FNBP1: variants seen among roughly 807,000 people sequenced by gnomAD.
FNBP1 encodes the protein formin binding protein 1.
Under a neutral mutation model 90.6 loss-of-function variants are expected in FNBP1, and 26 were observed. The ratio of observed to expected loss-of-function variants is 0.29; its 90% CI spans 0.21 to 0.40. FNBP1 has a LOEUF of 0.40. Among genes scored for constraint, FNBP1 ranks in the 10% least tolerant of loss-of-function variants. The pLI is 1.00. For synonymous variants in FNBP1, 260 were observed against 265.2 expected (o/e 0.98, Z 0.19); for missense variants, 635 against 768.0 (o/e 0.83, Z 2.05).
intron 4 of FNBP1, among the ~76,000 whole-genome samples, chr9:129,978,027 T>C (rs1226624922): frequency 6.6e-6 from 1 of 151,866 alleles, no homozygotes; most frequent in African/African-American, 2.4e-5. Flanking sequence ...TTTTCTTTTT[T>C]TTTTTCTTTT....
chr9:130,053,030 C>T, the FNBP1 span, among the ~76,000 whole-genome samples: 1 of 152,016 alleles, frequency 6.6e-6, no homozygotes, highest in Admixed American at 6.5e-5. Flanking sequence ...GCAGGAGAAT[C>T]GCTTGAACCC....
At chr9:129,953,047 A>G (rs558051713) in intron 6 of FNBP1, among the ~76,000 whole-genome samples, 2 of 152,344 alleles carry the variant, frequency 1.3e-5, no homozygotes, top group African/African-American at 4.8e-5. Flanking sequence ...AGTTTGGCCT[A>G]ATAAAAATAC....
At position 129,888,541 on chromosome 9, in the gene FNBP1, C is replaced by A. The variant is rs77261285; in HGVS notation, c.*1998G>T. The A allele has an allele frequency of 1.3e-5, 3 of 232,884 alleles. No homozygotes were observed. Among genetic ancestry groups the A allele is most frequent in the Non-Finnish European group, 2.5e-5 (3 of 117,860 alleles). The allele number at this position is 232,884 out of a possible 1,614,324, so 14.4% of individuals were successfully genotyped here. A position where few individuals can be genotyped will look rare whatever the true frequency, so the allele number is the denominator to read the frequency against. On this transcript the variant is annotated 3_prime_UTR_variant, in exon 17 of 17. Coordinates refer to ENST00000446176, the MANE Select transcript of FNBP1 (RefSeq NM_015033.3). ...TCCTGCGTGACTGATGGGTGCACCA[C>A]GCTTAGGTCACCCGTTGCAGGGACC...
intron 4 of FNBP1, among the ~76,000 whole-genome samples, chr9:129,970,752 T>A (rs1351526387): frequency 6.6e-6 from 1 of 152,196 alleles, no homozygotes; most frequent in Non-Finnish European, 1.5e-5. Flanking sequence ...AGGACCTCCT[T>A]GTCCAGGGCT....
rs373260854 is a variant in FNBP1 at position 129,981,485 on chromosome 9, T to G, written c.141-2111A>C. Among the ~76,000 whole-genome samples, 50 of 152,314 alleles carry G rather than the reference T, an allele frequency of 3.3e-4. No individual in the cohort carries two copies. The East Asian group carries it at 9.3e-3, about 28-fold the overall frequency. On this transcript the variant is annotated intron_variant, in intron 2 of 16. Coordinates refer to ENST00000446176, the MANE Select transcript of FNBP1 (RefSeq NM_015033.3). ...TGCTATTCCTCTTTATTATTTCACA[T>G]GTTACTTTTATTTCTTCTACTTCCC...
Position 129,889,861 on chromosome 9 carries a change from T to C in FNBP1, c.*678A>G, listed in dbSNP as rs1204140714. The C allele has an allele frequency of 8.6e-6, 2 of 233,170 alleles. No individual in the cohort carries two copies. The highest frequency in any genetic ancestry group is 2.2e-5 in the African/African-American group (1 of 45,312). 14.4% of individuals were successfully genotyped at this position (233,170 alleles called of 1,614,324 possible). ...GAAAACAGGGCGTCAAACCAAAATG[T>C]GTGTATGCGCACGCGTGTGTACTGG... On this transcript the variant is annotated 3_prime_UTR_variant, in exon 17 of 17. Transcript: ENST00000446176.
intron 1 of FNBP1, among the ~76,000 whole-genome samples, chr9:130,012,150 T>A (rs531088699): frequency 6.6e-6 from 1 of 152,336 alleles, no homozygotes; most frequent in Non-Finnish European, 1.5e-5. Context: ...ATGCAGAGCC[T>A]AATGGCTAAG....
intron 12 of FNBP1, among the ~76,000 whole-genome samples, chr9:129,907,030 C>T (rs7872383): frequency 6.6e-6 from 1 of 151,760 alleles, no homozygotes; most frequent in Non-Finnish European, 1.5e-5. Context: ...CGCCCGCCTC[C>T]GCCTCCCAAA....
At chr9:129,904,353 G>C (rs942257207) in intron 12 of FNBP1, among the ~76,000 whole-genome samples, 2 of 152,142 alleles carry the variant, frequency 1.3e-5, no homozygotes, top group African/African-American at 2.4e-5. Context: ...GAAGTTTGGG[G>C]CATGTTTGGG....
At position 130,041,975 on chromosome 9, in the gene FNBP1, G is replaced by A. The variant is rs1206769120; in HGVS notation, c.24+977C>T. 6.6e-6 allele frequency among the ~76,000 whole-genome samples: 1 copy of A among 152,070 alleles called. No homozygotes were observed. Among genetic ancestry groups the A allele is most frequent in the African/African-American group, 2.4e-5 (1 of 41,398 alleles). Reference sequence around the variant, plus strand: ...TCCTGGGAAATGGCTCATCTTGAGGGCATTTCAGTGCAGTAACTGAGATTT... The same window carrying A: ...TCCTGGGAAATGGCTCATCTTGAGGACATTTCAGTGCAGTAACTGAGATTT... On this transcript the variant is annotated intron_variant, in intron 1 of 16. Coordinates refer to ENST00000446176, the MANE Select transcript of FNBP1 (RefSeq NM_015033.3). This position sits in a 1 kb window ranked among gnomAD's most constrained non-coding sequence, Gnocchi z 4.3.
rs114196026 is a variant in FNBP1 at position 129,979,595 on chromosome 9, A to G, written c.141-221T>C. Among the ~76,000 whole-genome samples, 213 of 152,350 alleles carry G rather than the reference A, an allele frequency of 1.4e-3. 1 individual carries two copies. Among genetic ancestry groups the G allele is most frequent in the African/African-American group, 4.9e-3 (203 of 41,594 alleles). ...TTGTCTCAAAGCAGAGCAAATAAGAACAGAATTATTTAATTGGAGAGGACA... is the reference window on the plus strand; with the variant it reads ...TTGTCTCAAAGCAGAGCAAATAAGAGCAGAATTATTTAATTGGAGAGGACA... On this transcript the variant is annotated intron_variant, in intron 2 of 16. Transcript: ENST00000446176.
intron 4 of FNBP1, among the ~76,000 whole-genome samples, chr9:129,967,695 C>A (rs559271701): frequency 6.6e-6 from 1 of 152,010 alleles, no homozygotes; most frequent in Non-Finnish European, 1.5e-5. Context: ...ATGTGAGATA[C>A]GAAATGTGAG....
At chr9:129,919,389 A>T in intron 10 of FNBP1, 1 of 352,616 alleles carries the variant, frequency 2.8e-6, no homozygotes, top group Non-Finnish European at 5.5e-6. Context: ...AAAATATGAA[A>T]AACGTACATC....
intron 10 of FNBP1, among the ~76,000 whole-genome samples, chr9:129,923,036 A>T (rs964769094): frequency 1.3e-5 from 2 of 151,352 alleles, no homozygotes; most frequent in Non-Finnish European, 1.5e-5. Context: ...ATTTTTATAT[A>T]TTTTTTTAAG....
chr9:130,013,221 C>G (rs576117188), intron 1 of FNBP1, among the ~76,000 whole-genome samples: 138 of 152,130 alleles, frequency 9.1e-4, no homozygotes, highest in African/African-American at 3.3e-3. Flanking sequence ...CTCAAGCAAT[C>G]CCCCTGCCTC....
At chr9:130,038,228 G>A (rs1310915023) in intron 1 of FNBP1, among the ~76,000 whole-genome samples, 3 of 151,454 alleles carry the variant, frequency 2.0e-5, no homozygotes, top group Admixed American at 6.6e-5. Flanking sequence ...GGTGGCGGGC[G>A]CCTGTAGTCC....
At chr9:129,954,784 G>C (rs1180767210) in intron 6 of FNBP1, among the ~76,000 whole-genome samples, 2 of 152,114 alleles carry the variant, frequency 1.3e-5, no homozygotes, top group African/African-American at 4.8e-5. Context: ...ATCACCTGAG[G>C]TCAGGAGTTT....
chr9:129,929,133 G>A (rs971473711), intron 7 of FNBP1, among the ~76,000 whole-genome samples: 1 of 151,538 alleles, frequency 6.6e-6, no homozygotes, highest in Non-Finnish European at 1.5e-5. Flanking sequence ...AAAAGGGCCA[G>A]GCATGGTGGC....
intron 2 of FNBP1, among the ~76,000 whole-genome samples, chr9:129,980,395 T>C (rs1043664287): frequency 2.7e-5 from 4 of 150,670 alleles, no homozygotes; most frequent in African/African-American, 7.3e-5. Context: ...GCCAAGGGCA[T>C]GTTTCTAAGG....
Sources: gnomAD v4.1 joint callset for allele counts (sites outside exome capture counted in the v4.1 genomes callset) on GRCh38, gnomAD v4.1.1 for gene constraint, Gnocchi (gnomAD v3.1) non-coding constraint, MANE v1.5 for transcripts, NCBI Gene and HGNC (gene_info 2026-07-23, HGNC 2026-07-21) for gene names.